Variants in FBXL7 observed in about 807,000 individuals in gnomAD.
FBXL7 encodes the protein F-box/LRR-repeat protein 7.
A neutral mutation model predicts 38.3 loss-of-function variants in FBXL7; 12 were observed. That is an observed-to-expected ratio of 0.31 (90% CI 0.20 to 0.51). The LOEUF (loss-of-function observed/expected upper bound fraction) is 0.51. Ranked by LOEUF, FBXL7 falls within the 20% of genes least tolerant of loss-of-function variation. FBXL7 has a pLI of 0.98. For missense variants in FBXL7, 567 were observed against 676.4 expected, an observed-to-expected ratio of 0.84 and a Z score of 1.79; for synonymous variants, 297 against 300.9, an observed-to-expected ratio of 0.99 and a Z score of 0.13.
chr5:15,925,610 G>A (rs2126453856), intron 2 of FBXL7, among the ~76,000 whole-genome samples: 1 of 152,326 alleles, frequency 6.6e-6, no homozygotes. Context: ...TCCAGGGTAT[G>A]AAATATGCAA....
chr5:15,757,976 C>T (rs1476298223), intron 2 of FBXL7, among the ~76,000 whole-genome samples: 2 of 152,028 alleles, frequency 1.3e-5, no homozygotes, highest in African/African-American at 4.8e-5. Flanking sequence ...TCTCCTGTTA[C>T]ATTCTCTTTG....
rs1017826381 is a variant in FBXL7 at position 15,637,725 on chromosome 5, A to G, written c.127+21653A>G. ...TAGAAAAGAAGGACTGGAACAGAGA[A>G]TGCAAATAATTTGCACAGAATCATA... On this transcript the variant is annotated intron_variant, in intron 2 of 3. Coordinates refer to ENST00000504595, the MANE Select transcript of FBXL7 (RefSeq NM_012304.5). Among the ~76,000 whole-genome samples the G allele has an allele frequency of 2.6e-5, 4 of 152,246 alleles. No homozygotes were observed. The South Asian group carries it at 8.3e-4, about 31-fold the overall frequency.
chr5:15,780,286 A>G (rs1281001790), intron 2 of FBXL7, among the ~76,000 whole-genome samples: 1 of 152,110 alleles, frequency 6.6e-6, no homozygotes, highest in Non-Finnish European at 1.5e-5. Context: ...AGGAAACCAT[A>G]TTTGTGTTAC....
At chr5:15,765,379 T>C (rs971149978) in intron 2 of FBXL7, among the ~76,000 whole-genome samples, 1 of 152,092 alleles carries the variant, frequency 6.6e-6, no homozygotes, top group African/African-American at 2.4e-5. Flanking sequence ...CACACTTTTG[T>C]CTGACAGAAA....
intron 2 of FBXL7, among the ~76,000 whole-genome samples, chr5:15,804,881 A>G (rs1161921641): frequency 1.3e-5 from 2 of 152,222 alleles, no homozygotes; most frequent in Admixed American, 6.5e-5. Flanking sequence ...GCCTTCCACA[A>G]AACCAGCCCC....
At chr5:15,704,826 T>C (rs1012211860) in intron 2 of FBXL7, among the ~76,000 whole-genome samples, 4 of 152,218 alleles carry the variant, frequency 2.6e-5, no homozygotes, top group African/African-American at 9.6e-5. Context: ...CACTTGGGTT[T>C]AGTTGGCCTC....
intron 2 of FBXL7, among the ~76,000 whole-genome samples, chr5:15,922,059 C>T (rs991295694): frequency 2.6e-5 from 4 of 151,804 alleles, no homozygotes; most frequent in African/African-American, 9.7e-5. Context: ...TCACAACAGC[C>T]GAGATACTGA....
At chr5:15,735,367 T>C (rs560372086) in intron 2 of FBXL7, among the ~76,000 whole-genome samples, 1 of 152,112 alleles carries the variant, frequency 6.6e-6, no homozygotes, top group Non-Finnish European at 1.5e-5. Flanking sequence ...ACAAATGAAA[T>C]GGAAAGGGCT....
intron 1 of FBXL7, among the ~76,000 whole-genome samples, chr5:15,523,138 C>T (rs774324706): frequency 3.9e-5 from 6 of 152,108 alleles, no homozygotes; most frequent in East Asian, 3.9e-4. Context: ...TGTACCGCAC[C>T]GTTACAGAGG....
chr5:15,564,292 A>C (rs1738499199), intron 1 of FBXL7, among the ~76,000 whole-genome samples: 1 of 152,030 alleles, frequency 6.6e-6, no homozygotes. Flanking sequence ...ATTTTAGTAT[A>C]GTCATTCTTA....
intron 1 of FBXL7, among the ~76,000 whole-genome samples, chr5:15,550,649 A>G (rs992073016): frequency 6.6e-6 from 1 of 152,240 alleles, no homozygotes; most frequent in Non-Finnish European, 1.5e-5. Flanking sequence ...CCTTATTTAC[A>G]TAGCCATCAA....
intron 2 of FBXL7, among the ~76,000 whole-genome samples, chr5:15,648,420 G>A (rs558931983): frequency 6.6e-6 from 1 of 152,216 alleles, no homozygotes; most frequent in South Asian, 2.1e-4. Context: ...GCTTATTAAG[G>A]GACACCAAAT....
chr5:15,706,561 A>C (rs1743686687), intron 2 of FBXL7, among the ~76,000 whole-genome samples: 1 of 152,212 alleles, frequency 6.6e-6, no homozygotes, highest in Non-Finnish European at 1.5e-5. Flanking sequence ...CAAGAATGGA[A>C]GTGGTTCAGT....
intron 2 of FBXL7, among the ~76,000 whole-genome samples, chr5:15,762,251 C>T (rs749703323): frequency 1.3e-5 from 2 of 152,236 alleles, no homozygotes; most frequent in Non-Finnish European, 2.9e-5. Context: ...AACATGGCAG[C>T]TTGCTTCGTC....
chr5:15,546,922 C>A (rs1440558172), intron 1 of FBXL7, among the ~76,000 whole-genome samples: 1 of 151,984 alleles, frequency 6.6e-6, no homozygotes, highest in Non-Finnish European at 1.5e-5. Flanking sequence ...GATGTAATCA[C>A]AAAACAAATT....
chr5:15,759,955 A>G (rs1736395913), intron 2 of FBXL7, among the ~76,000 whole-genome samples: 1 of 152,230 alleles, frequency 6.6e-6, no homozygotes, highest in African/African-American at 2.4e-5. Context: ...CAAAGTATTT[A>G]ACATTTTACT....
intron 2 of FBXL7, among the ~76,000 whole-genome samples, chr5:15,725,575 C>A (rs1405868679): frequency 6.6e-6 from 1 of 152,146 alleles, no homozygotes; most frequent in East Asian, 1.9e-4. Context: ...GTCTGTCCTG[C>A]AAAATGTCCC....
intron 2 of FBXL7, among the ~76,000 whole-genome samples, chr5:15,623,960 A>G (rs550157142): frequency 2.0e-4 from 30 of 152,288 alleles, no homozygotes; most frequent in Non-Finnish European, 3.7e-4. Context: ...ACGAGCCTTG[A>G]CATAAGATGT....
chr5:15,824,419 C>T (rs1454517371), intron 2 of FBXL7, among the ~76,000 whole-genome samples: 1 of 152,052 alleles, frequency 6.6e-6, no homozygotes, highest in African/African-American at 2.4e-5. Context: ...CTCGGCACTT[C>T]CCGGCCCAGT....
Sources: allele counts gnomAD v4.1 joint callset (sites outside exome capture counted in the v4.1 genomes callset), GRCh38; gene constraint gnomAD v4.1.1; transcripts MANE v1.5; gene names NCBI Gene and HGNC (gene_info 2026-07-23, HGNC 2026-07-21).